The following NINJ2 variants were observed in gnomAD, a reference collection of about 807,000 sequenced individuals.
NINJ2 encodes ninjurin 2.
A neutral mutation model predicts 11.7 loss-of-function variants in NINJ2; 12 were observed. The observed-to-expected ratio is 1.02, with a 90% confidence interval of 0.66 to 1.66. The LOEUF (loss-of-function observed/expected upper bound fraction) is 1.66. Ranked by LOEUF, NINJ2 falls within the 40% of genes most tolerant of loss-of-function variation. The pLI, the probability that NINJ2 is intolerant of heterozygous loss-of-function variation, is 0.00. For synonymous variants in NINJ2, 93 were observed against 76.8 expected (o/e 1.21, Z -1.10); for missense variants, 187 against 181.8 (o/e 1.03, Z -0.16).
chr12:575,121 G>A (rs1947436510), intron 1 of NINJ2, among the ~76,000 whole-genome samples: 1 of 152,238 alleles, frequency 6.6e-6, no homozygotes, highest in Admixed American at 6.5e-5. Context: ...CATGGTGTTT[G>A]AAATGCCTCC....
At chr12:631,656 T>C (rs1948283771) in intron 1 of NINJ2, among the ~76,000 whole-genome samples, 1 of 152,176 alleles carries the variant, frequency 6.6e-6, no homozygotes. Flanking sequence ...CCACCGCGCC[T>C]GGCCTGCCTC....
chr12:616,896 C>T (rs1431940037), intron 1 of NINJ2, among the ~76,000 whole-genome samples: 1 of 152,118 alleles, frequency 6.6e-6, no homozygotes, highest in Non-Finnish European at 1.5e-5. Context: ...GCTAGCATTG[C>T]CTCCAGTTCT....
chr12:649,163 C>T (rs1273956801), intron 1 of NINJ2, among the ~76,000 whole-genome samples: 1 of 152,084 alleles, frequency 6.6e-6, no homozygotes, highest in African/African-American at 2.4e-5. Flanking sequence ...TCTCCTGCCT[C>T]AGCCTCCAGA....
At chr12:615,298 C>T (rs145305858) in intron 1 of NINJ2, among the ~76,000 whole-genome samples, 1 of 152,176 alleles carries the variant, frequency 6.6e-6, no homozygotes, top group Non-Finnish European at 1.5e-5. Flanking sequence ...CCTTCTCGTT[C>T]TTTTCTCTAC....
chr12:621,069 C>T (rs1420633917), intron 1 of NINJ2, among the ~76,000 whole-genome samples: 1 of 152,208 alleles, frequency 6.6e-6, no homozygotes, highest in African/African-American at 2.4e-5. Context: ...TCTCTAGCTT[C>T]ACGTCCTTCT....
In NINJ2 at chr12:634,265, C is replaced by CTTTTTTTTTTTTTTTTTTTTTTTTTT. The variant is rs67797144; in HGVS notation, c.33+29062_33+29063insAAAAAAAAAAAAAAAAAAAAAAAAAA. Among the ~76,000 whole-genome samples the CTTTTTTTTTTTTTTTTTTTTTTTTTT allele has an allele frequency of 2.9e-4, 17 of 59,526 alleles. 2 individuals are homozygous for CTTTTTTTTTTTTTTTTTTTTTTTTTT. The highest frequency in any genetic ancestry group is 8.5e-4 in the East Asian group (1 of 1,174). The allele number at this position is 59,526 out of a possible 152,430, so 39.1% of individuals were successfully genotyped here. A position where few individuals can be genotyped will look rare whatever the true frequency, so the allele number is the denominator to read the frequency against. On this transcript the variant is annotated intron_variant, in intron 1 of 3. Transcript: ENST00000305108. ...AAATAAATGTTGATTAGTTGCAGTT[C>CTTTTTTTTTTTTTTTTTTTTTTTTTT]TTTTTTTTTTTTTTTTTTTTTTTTT...
intron 1 of NINJ2, among the ~76,000 whole-genome samples, chr12:615,044 G>A (rs1029324658): frequency 2.0e-5 from 3 of 152,166 alleles, no homozygotes; most frequent in African/African-American, 7.2e-5. Context: ...AGTCGGGAGA[G>A]CGGTTTGTGT....
intron 1 of NINJ2, among the ~76,000 whole-genome samples, chr12:635,651 A>G (rs1481630394): frequency 1.3e-5 from 2 of 152,254 alleles, no homozygotes; most frequent in Non-Finnish European, 2.9e-5. Flanking sequence ...ACGGGGAAAA[A>G]TCTTCATGAC....
At position 565,321 on chromosome 12, in the gene NINJ2, T is replaced by C. The variant is rs138622141; in HGVS notation, c.343A>G (p.Thr115Ala). 6.3e-5 allele frequency: 101 copies of C among 1,614,184 alleles called. 1 individual carries two copies. The East Asian group carries it at 9.4e-4, about 15-fold the overall frequency. ...NNAATILVFF[T>A]VVINVFITAF... ...GTAATGAAAACATTGATGACCACAG[T>C]GAAGAAGACCAAGATGGTGGCTGCG... Residue 115 changes from threonine (T) to alanine (A), a missense_variant, in exon 3 of 4, where the codon ACT becomes GCT. Coordinates refer to ENST00000305108, the MANE Select transcript of NINJ2 (RefSeq NM_016533.6).
rs565510288 is a variant in NINJ2 at position 572,204 on chromosome 12, G to A, written c.34-6026C>T. ...AAGCCGGCTCTGAGCGGAGAATCCC[G>A]GGGGCTGAGGACATCGCTGAGAGGC... On this transcript the variant is annotated intron_variant, in intron 1 of 3. Coordinates refer to ENST00000305108, the MANE Select transcript of NINJ2 (RefSeq NM_016533.6). Among the ~76,000 whole-genome samples the A allele has an allele frequency of 7.9e-5, 12 of 152,324 alleles. No homozygotes were observed. In the East Asian group the frequency reaches 1.7e-3, roughly 22 times the overall value.
At chr12:660,681 C>A (rs542323295) in intron 1 of NINJ2, among the ~76,000 whole-genome samples, 2 of 152,194 alleles carry the variant, frequency 1.3e-5, no homozygotes, top group East Asian at 3.9e-4. Context: ...ATAAAGATGG[C>A]CAGCTATGGT....
At chr12:609,944 T>TAA (rs60084425) in intron 1 of NINJ2, among the ~76,000 whole-genome samples, 2,827 of 126,810 alleles carry the variant, frequency 0.022, 108 homozygotes, top group African/African-American at 0.072. Context: ...GACCCTGTCT[T>TAA]AAAAAAAAAA....
chr12:626,548 C>T (rs531582491), intron 1 of NINJ2, among the ~76,000 whole-genome samples: 1 of 152,262 alleles, frequency 6.6e-6, no homozygotes, highest in African/African-American at 2.4e-5. Context: ...GCACTAAGTG[C>T]CACAGGGCCC....
At chr12:609,770 C>CAAAAAAA (rs1185755822) in intron 1 of NINJ2, among the ~76,000 whole-genome samples, 10 of 88,806 alleles carry the variant, frequency 1.1e-4, no homozygotes, top group African/African-American at 4.5e-4. Context: ...GACTCTGCCT[C>CAAAAAAA]AAAAAAAAAA....
chr12:635,456 G>C (rs1036997054), intron 1 of NINJ2, among the ~76,000 whole-genome samples: 1 of 152,200 alleles, frequency 6.6e-6, no homozygotes, highest in Non-Finnish European at 1.5e-5. Flanking sequence ...TTTCAGCAAG[G>C]CTTCCAAGAC....
intron 1 of NINJ2, among the ~76,000 whole-genome samples, chr12:638,127 T>C (rs1040473052): frequency 8.5e-5 from 13 of 152,226 alleles, no homozygotes. Flanking sequence ...GCCCACATGC[T>C]AAGCCAGTTG....
At chr12:571,131 G>T (rs1215723644) in intron 1 of NINJ2, among the ~76,000 whole-genome samples, 1 of 152,212 alleles carries the variant, frequency 6.6e-6, no homozygotes, top group African/African-American at 2.4e-5. Context: ...ATAGCTTTGG[G>T]CTCCCAGAGT....
intron 1 of NINJ2, among the ~76,000 whole-genome samples, chr12:635,710 A>T (rs1458170630): frequency 6.6e-6 from 1 of 152,252 alleles, no homozygotes; most frequent in Non-Finnish European, 1.5e-5. Context: ...ATTGCAGGCA[A>T]CAAAAGAAAA....
chr12:620,501 T>A (rs1205642736), intron 1 of NINJ2, among the ~76,000 whole-genome samples: 1 of 152,258 alleles, frequency 6.6e-6, no homozygotes, highest in Non-Finnish European at 1.5e-5. Context: ...ATTTTTAAGA[T>A]ACATGTAAAA....
Sources: gnomAD v4.1 joint callset for allele counts (sites outside exome capture counted in the v4.1 genomes callset) on GRCh38, gnomAD v4.1.1 for gene constraint, MANE v1.5 for transcripts, NCBI Gene and HGNC (gene_info 2026-07-23, HGNC 2026-07-21) for gene names.